Variants in ARID5B observed in about 807,000 individuals in gnomAD.
ARID5B encodes the protein AT-rich interactive domain-containing protein 5B.
A neutral mutation model predicts 97.2 loss-of-function variants in ARID5B; 13 were observed. The observed-to-expected ratio is 0.13, with a 90% CI of 0.09 to 0.21. The LOEUF (loss-of-function observed/expected upper bound fraction) is 0.21, where lower values mean the gene tolerates loss of function less well. Ranked by LOEUF, ARID5B falls within the 10% of genes least tolerant of loss-of-function variation. The pLI is 1.00. For synonymous variants in ARID5B, 556 were observed against 570.3 expected, an observed-to-expected ratio of 0.97 and a Z score of 0.36; for missense variants, 1,210 against 1,465.3, an observed-to-expected ratio of 0.83 and a Z score of 2.84.
In ARID5B at chr10:61,930,537, G is replaced by A. The variant is rs576709225; in HGVS notation, c.277-9646G>A. ...AGATCGAGACCATCCTGGCTAACACGGTGAAACTCCGTCTCTACTAAAAAT... is the reference window on the plus strand; with the variant it reads ...AGATCGAGACCATCCTGGCTAACACAGTGAAACTCCGTCTCTACTAAAAAT... On this transcript the variant is annotated intron_variant, in intron 2 of 9. Coordinates refer to ENST00000279873, the MANE Select transcript of ARID5B (RefSeq NM_032199.3). Among the ~76,000 whole-genome samples, 22 of 151,838 alleles carry A rather than the reference G, an allele frequency of 1.4e-4. No individual in the cohort carries two copies. In the South Asian group the frequency reaches 1.7e-3, roughly 11 times the overall value.
At chr10:62,079,663 CGT>C (rs1199419515) in intron 8 of ARID5B, among the ~76,000 whole-genome samples, 2 of 152,152 alleles carry the variant, frequency 1.3e-5, no homozygotes, top group African/African-American at 2.4e-5. Context: ...TCCAGTACCA[CGT>C]ACCTTTCTTT....
chr10:62,076,808 G>A (rs899932829), intron 8 of ARID5B, among the ~76,000 whole-genome samples: 1 of 152,064 alleles, frequency 6.6e-6, no homozygotes, highest in African/African-American at 2.4e-5. Flanking sequence ...CCTAAGGTGC[G>A]GTGGGTAGAC....
chr10:61,919,040 C>G (rs1187631073), intron 2 of ARID5B, among the ~76,000 whole-genome samples: 2 of 64,664 alleles, frequency 3.1e-5, no homozygotes, highest in Admixed American at 1.4e-4. Flanking sequence ...ACTCCGTCCC[C>G]CCCCCCCCCC....
chr10:61,994,338 A>G (rs936815045), intron 3 of ARID5B, among the ~76,000 whole-genome samples: 1 of 152,164 alleles, frequency 6.6e-6, no homozygotes, highest in Non-Finnish European at 1.5e-5. Context: ...TTTCCGAAAC[A>G]AGCCTCCCCT....
At chr10:62,007,439 C>T (rs117031441) in intron 4 of ARID5B, among the ~76,000 whole-genome samples, 1,676 of 152,096 alleles carry the variant, frequency 0.011, 17 homozygotes, top group Non-Finnish European at 0.016. Flanking sequence ...CAGTTGTGAA[C>T]GAGACAGAAA....
At chr10:62,026,141 A>C (rs1275755950) in intron 4 of ARID5B, among the ~76,000 whole-genome samples, 8 of 152,208 alleles carry the variant, frequency 5.3e-5, no homozygotes, top group Admixed American at 5.2e-4. Flanking sequence ...ATGCATGCTG[A>C]GTACTTATAC....
chr10:62,081,412 A>G (rs1840212465), intron 8 of ARID5B, among the ~76,000 whole-genome samples: 1 of 152,232 alleles, frequency 6.6e-6, no homozygotes. Context: ...TTTTGGCCCA[A>G]AAGTTCAGTC....
At chr10:62,008,058 C>A (rs1364641609) in intron 4 of ARID5B, among the ~76,000 whole-genome samples, 2 of 110,868 alleles carry the variant, frequency 1.8e-5, no homozygotes, top group Non-Finnish European at 3.3e-5. Flanking sequence ...TCCCCCGCCC[C>A]ACAACACACA....
chr10:61,976,853 T>A (rs1180055665), intron 3 of ARID5B, among the ~76,000 whole-genome samples: 1 of 84,896 alleles, frequency 1.2e-5, no homozygotes, highest in Non-Finnish European at 2.4e-5. Context: ...AGAGAAACTT[T>A]CTTTCTTTTT....
intron 2 of ARID5B, among the ~76,000 whole-genome samples, chr10:61,904,028 C>A (rs1843667376): frequency 6.6e-6 from 1 of 151,288 alleles, no homozygotes; most frequent in Admixed American, 6.6e-5. Flanking sequence ...GCTCTTTCCC[C>A]CTCCCAAGGT....
At chr10:61,936,140 G>A (rs929588804) in intron 2 of ARID5B, among the ~76,000 whole-genome samples, 1 of 152,072 alleles carries the variant, frequency 6.6e-6, no homozygotes, top group African/African-American at 2.4e-5. Flanking sequence ...TATTTTCATA[G>A]CATCTTGACT....
intron 4 of ARID5B, among the ~76,000 whole-genome samples, chr10:62,039,043 G>A (rs971673645): frequency 6.6e-6 from 1 of 152,192 alleles, no homozygotes; most frequent in Non-Finnish European, 1.5e-5. Context: ...AAGAGCTTTT[G>A]CCCAAATAAG....
At chr10:61,938,528 A>G (rs889264648) in intron 2 of ARID5B, among the ~76,000 whole-genome samples, 7 of 152,206 alleles carry the variant, frequency 4.6e-5, no homozygotes, top group African/African-American at 1.7e-4. Context: ...AATAATCACC[A>G]TGAAATAGCT....
intron 3 of ARID5B, among the ~76,000 whole-genome samples, chr10:61,979,203 T>A (rs1396705446): frequency 6.6e-6 from 1 of 152,140 alleles, no homozygotes; most frequent in Non-Finnish European, 1.5e-5. Context: ...GCCATCTGAG[T>A]TCCTCAAAGT....
intron 4 of ARID5B, among the ~76,000 whole-genome samples, chr10:62,033,156 G>A (rs915560142): frequency 5.3e-5 from 8 of 152,138 alleles, no homozygotes; most frequent in African/African-American, 1.9e-4. Context: ...AGATACAGGG[G>A]ATTCCAATGA....
intron 8 of ARID5B, among the ~76,000 whole-genome samples, chr10:62,074,224 A>G (rs1840099308): frequency 6.6e-6 from 1 of 152,246 alleles, no homozygotes; most frequent in African/African-American, 2.4e-5. Context: ...TATGATGTGC[A>G]TTTTTGAGTA....
At chr10:62,045,829 T>C (rs1839700933) in intron 4 of ARID5B, among the ~76,000 whole-genome samples, 1 of 152,206 alleles carries the variant, frequency 6.6e-6, no homozygotes, top group Non-Finnish European at 1.5e-5. Flanking sequence ...ATACTATACA[T>C]AGAACAATGT....
At chr10:61,983,786 AC>A (rs1372199518) in intron 3 of ARID5B, among the ~76,000 whole-genome samples, 31 of 151,668 alleles carry the variant, frequency 2.0e-4, no homozygotes, top group African/African-American at 7.5e-4. Context: ...TAAATGGTAG[AC>A]TATGTACTTG....
chr10:62,080,653 G>A (rs1024530985), intron 8 of ARID5B, among the ~76,000 whole-genome samples: 2 of 152,108 alleles, frequency 1.3e-5, no homozygotes, highest in African/African-American at 2.4e-5. Flanking sequence ...ATTTCTGGCT[G>A]CAAAGGGAAA....
Sources: gnomAD v4.1 joint callset for allele counts (sites outside exome capture counted in the v4.1 genomes callset) on GRCh38, gnomAD v4.1.1 for gene constraint, MANE v1.5 for transcripts, NCBI Gene and HGNC (gene_info 2026-07-23, HGNC 2026-07-21) for gene names.